ASAP2: variants seen among roughly 807,000 people sequenced by gnomAD.
ASAP2 encodes arf-GAP with SH3 domain, ANK repeat and PH domain-containing protein 2.
ASAP2 carries 45 observed loss-of-function variants against 131.4 expected under a neutral mutation model. The ratio of observed to expected loss-of-function variants is 0.34; its 90% CI spans 0.27 to 0.44. The LOEUF is 0.44. ASAP2 is among the 20% of genes least tolerant of loss of function. ASAP2 has a pLI of 1.00. For missense variants in ASAP2, 1,011 were observed against 1,297.0 expected (o/e 0.78, Z 3.39); for synonymous variants, 510 against 503.0 (o/e 1.01, Z -0.19).
chr2:9,259,265 C>G (rs1665408600), intron 1 of ASAP2, among the ~76,000 whole-genome samples: 1 of 152,242 alleles, frequency 6.6e-6, no homozygotes, highest in Non-Finnish European at 1.5e-5. Context: ...ATTCATCCCT[C>G]AACGCTGAGA....
chr2:9,248,720 C>T (rs1379581383), intron 1 of ASAP2, among the ~76,000 whole-genome samples: 1 of 152,126 alleles, frequency 6.6e-6, no homozygotes, highest in African/African-American at 2.4e-5. Flanking sequence ...ATCTACCAGC[C>T]ATTTGGTAAA....
chr2:9,270,785 A>ATTTTTTTTTTTTTTTTTTTTGT (rs1666305117), intron 1 of ASAP2, among the ~76,000 whole-genome samples: 1 of 52,924 alleles, frequency 1.9e-5, no homozygotes, highest in Non-Finnish European at 3.5e-5. Flanking sequence ...AATTGTTTTC[A>ATTTTTTTTTTTTTTTTTTTTGT]TTTTTTTTTT....
At chr2:9,273,393 G>T (rs2148274946) in intron 1 of ASAP2, among the ~76,000 whole-genome samples, 1 of 152,286 alleles carries the variant, frequency 6.6e-6, no homozygotes, top group Middle Eastern at 3.4e-3. Context: ...TGTTGATTTT[G>T]TATCCTGCAA....
At chr2:9,270,814 A>G (rs1261639711) in intron 1 of ASAP2, among the ~76,000 whole-genome samples, 1 of 57,482 alleles carries the variant, frequency 1.7e-5, no homozygotes, top group African/African-American at 6.8e-5. Flanking sequence ...TTTTTTTGAG[A>G]CGGAGTCTCG....
chr2:9,364,405 G>A (rs1184851963), intron 15 of ASAP2, among the ~76,000 whole-genome samples: 1 of 152,168 alleles, frequency 6.6e-6, no homozygotes, highest in East Asian at 1.9e-4. Flanking sequence ...TATCAGGGAG[G>A]CTGAGGTGGG....
chr2:9,298,922 C>A (rs1668320766), intron 3 of ASAP2, among the ~76,000 whole-genome samples: 1 of 152,078 alleles, frequency 6.6e-6, no homozygotes. Flanking sequence ...TGGGATGCAG[C>A]ATGCTATGAA....
intron 24 of ASAP2, among the ~76,000 whole-genome samples, chr2:9,395,086 G>A (rs914252793): frequency 2.0e-5 from 3 of 152,272 alleles, no homozygotes; most frequent in East Asian, 1.9e-4. Flanking sequence ...AATGACTTCC[G>A]CCATACGTCA....
At chr2:9,221,323 CT>C (rs35784307) in intron 1 of ASAP2, among the ~76,000 whole-genome samples, 27,039 of 131,800 alleles carry the variant, frequency 0.21, 2,136 homozygotes, top group African/African-American at 0.24. Context: ...CTTTTCTTTT[CT>C]TTTTTTTTTT....
intron 1 of ASAP2, among the ~76,000 whole-genome samples, chr2:9,211,046 T>A (rs748711733): frequency 1.2e-4 from 18 of 151,980 alleles, no homozygotes; most frequent in African/African-American, 4.3e-4. Flanking sequence ...TCCCAGCTAC[T>A]TGGGAGGCTG....
At chr2:9,328,427 T>C (rs891665166) in intron 7 of ASAP2, among the ~76,000 whole-genome samples, 5 of 152,240 alleles carry the variant, frequency 3.3e-5, no homozygotes, top group African/African-American at 9.6e-5. Context: ...TATTTTTGGC[T>C]CTTTTTGTAG....
chr2:9,385,853 A>G (rs1323827690), intron 21 of ASAP2, among the ~76,000 whole-genome samples: 19 of 152,254 alleles, frequency 1.2e-4, no homozygotes, highest in Admixed American at 1.1e-3. Flanking sequence ...AAAGTGAAGC[A>G]GCTATTTAGA....
At chr2:9,386,595 A>C (rs1227696781) in intron 21 of ASAP2, among the ~76,000 whole-genome samples, 21 of 152,326 alleles carry the variant, frequency 1.4e-4, no homozygotes, top group African/African-American at 4.8e-4. Flanking sequence ...CAATTTAGAA[A>C]TATGTGTGAA....
rs185557256 is a variant in ASAP2 at position 9,370,634 on chromosome 2, G to C, written c.1556+2115G>C. 3.2e-3 allele frequency among the ~76,000 whole-genome samples: 483 copies of C among 152,324 alleles called. 4 individuals carry two copies. The highest frequency in any genetic ancestry group is 0.011 in the African/African-American group (452 of 41,570). On this transcript the variant is annotated intron_variant, in intron 16 of 27. Coordinates refer to ENST00000281419, the MANE Select transcript of ASAP2 (RefSeq NM_003887.3). ...GTTCCCCCTCACAGAGGCATTGGGG[G>C]CATGAGCGGGATGATGGGGTCAGAC...
At chr2:9,286,126 G>A (rs1667444485) in intron 2 of ASAP2, among the ~76,000 whole-genome samples, 1 of 152,176 alleles carries the variant, frequency 6.6e-6, no homozygotes, top group African/African-American at 2.4e-5. Context: ...GCTGGGCACG[G>A]TGACTCACGC....
At chr2:9,359,567 C>A (rs1426784313) in intron 15 of ASAP2, among the ~76,000 whole-genome samples, 1 of 152,178 alleles carries the variant, frequency 6.6e-6, no homozygotes, top group Non-Finnish European at 1.5e-5. Flanking sequence ...TTCTTGAATT[C>A]TCTCCTGGGA....
chr2:9,260,599 A>C (rs1040815878), intron 1 of ASAP2, among the ~76,000 whole-genome samples: 4 of 152,128 alleles, frequency 2.6e-5, no homozygotes, highest in Non-Finnish European at 5.9e-5. Flanking sequence ...TCTCTGCTGC[A>C]TACAGAGGTT....
chr2:9,326,716 GA>G (rs1174535542), intron 6 of ASAP2, among the ~76,000 whole-genome samples: 1 of 152,124 alleles, frequency 6.6e-6, no homozygotes, highest in Non-Finnish European at 1.5e-5. Flanking sequence ...CTAGTATGTT[GA>G]TGTCCATGTC....
At chr2:9,334,842 A>G (rs1330873948) in intron 8 of ASAP2, 29 bp downstream of exon 8, 2 of 1,585,902 alleles carry the variant, frequency 1.3e-6, no homozygotes. Context: ...ACTGTGGTTT[A>G]AAACCATCTT....
chr2:9,243,196 C>T (rs936349908), intron 1 of ASAP2, among the ~76,000 whole-genome samples: 5 of 152,286 alleles, frequency 3.3e-5, no homozygotes, highest in African/African-American at 9.6e-5. Flanking sequence ...GCAAGCTCCG[C>T]CTCCCGGGTT....
Sources: gnomAD v4.1 joint callset for allele counts (sites outside exome capture counted in the v4.1 genomes callset) on GRCh38, gnomAD v4.1.1 for gene constraint, MANE v1.5 for transcripts, NCBI Gene and HGNC (gene_info 2026-07-23, HGNC 2026-07-21) for gene names.